MYO3B: variants seen among roughly 807,000 people sequenced by gnomAD.
MYO3B encodes the protein myosin IIIB.
MYO3B carries 156 observed loss-of-function variants against 174.6 expected under a neutral mutation model. The ratio of observed to expected loss-of-function variants is 0.89; its 90% CI spans 0.78 to 1.02. The LOEUF (loss-of-function observed/expected upper bound fraction) is 1.02, where lower values mean the gene tolerates loss of function less well. Ranked by LOEUF, MYO3B falls within the 50% of genes least tolerant of loss-of-function variation. The probability of loss-of-function intolerance (pLI) is 0.00; values close to 1 mark genes in which losing one functional copy is unlikely to be tolerated. For synonymous variants in MYO3B, 563 were observed against 569.1 expected (o/e 0.99, Z 0.15); for missense variants, 1,632 against 1,639.4 (o/e 1.00, Z 0.08).
chr2:170,612,650 A>G (rs2105297333), intron 32 of MYO3B, among the ~76,000 whole-genome samples: 1 of 152,276 alleles, frequency 6.6e-6, no homozygotes, highest in African/African-American at 2.4e-5. Flanking sequence ...CACACGTAAC[A>G]GTGGAGGCAG....
At chr2:170,273,888 C>T (rs1343045775) in intron 7 of MYO3B, among the ~76,000 whole-genome samples, 1 of 152,114 alleles carries the variant, frequency 6.6e-6, no homozygotes, top group East Asian at 1.9e-4. Context: ...CTGGAGACCC[C>T]ACTTTAAATG....
chr2:170,319,697 C>T (rs1171927651), intron 7 of MYO3B, among the ~76,000 whole-genome samples: 2 of 152,044 alleles, frequency 1.3e-5, no homozygotes, highest in Non-Finnish European at 2.9e-5. Context: ...CCCAAAGTAG[C>T]ATAAATACAA....
At chr2:170,327,332 C>A (rs2093876291) in intron 7 of MYO3B, among the ~76,000 whole-genome samples, 1 of 152,222 alleles carries the variant, frequency 6.6e-6, no homozygotes. Context: ...TTGAAGTGAG[C>A]TGAGATCACG....
chr2:170,493,427 T>G lies in MYO3B; in HGVS notation c.3015-5165T>G, dbSNP rs556118698. Reference sequence around the variant, plus strand: ...ATTAATGACCTGGACATCAGTGACCTTGGATAATAATTTTAGCCTCTGTCA... The same window carrying G: ...ATTAATGACCTGGACATCAGTGACCGTGGATAATAATTTTAGCCTCTGTCA... On this transcript the variant is annotated intron_variant, in intron 25 of 34. Coordinates refer to ENST00000408978, the MANE Select transcript of MYO3B (RefSeq NM_138995.5). Among the ~76,000 whole-genome samples, 59 of 152,308 alleles carry G rather than the reference T, an allele frequency of 3.9e-4. No individual in the cohort carries two copies. In the South Asian group the frequency reaches 0.01, roughly 27 times the overall value.
chr2:170,386,141 G>A lies in MYO3B; in HGVS notation c.1291-48G>A, dbSNP rs568390709. ...GGATGTTATATGAAGCATGCAAGTT[G>A]CTTCTGTGCTATAAATTCTTCACTT... On this transcript the variant is annotated intron_variant, in intron 12 of 34. Transcript: ENST00000408978. 6.6e-6 allele frequency: 10 copies of A among 1,510,172 alleles called. No individual in the cohort carries two copies. The African/African-American group carries it at 1.2e-4, about 19-fold the overall frequency. 93.5% of individuals were successfully genotyped at this position (1,510,172 alleles called of 1,614,324 possible). A position where few individuals can be genotyped will look rare whatever the true frequency, so the allele number is the denominator to read the frequency against.
intron 3 of MYO3B, among the ~76,000 whole-genome samples, chr2:170,201,971 G>C (rs1050578151): frequency 6.6e-6 from 1 of 152,088 alleles, no homozygotes; most frequent in Non-Finnish European, 1.5e-5. Flanking sequence ...AGGAATTTTC[G>C]AGGGCCTAAA....
In MYO3B at chr2:170,402,921, G is replaced by T; in HGVS notation, c.2203G>T (p.Glu735Ter). ...CGAGAATTTTCAGAGAAATTCATTT[G>T]AGCAGCTCTGCATAAACATCGCCAA... The part of the protein sequence containing the change: ...GFENFQRNSF[E>*]QLCINIANEQ... Residue 735 changes from glutamate to a stop codon, truncating the protein, a stop_gained, in exon 19 of 35, where the codon GAG becomes TAG. Transcript: ENST00000408978. LOFTEE classifies it high-confidence loss of function. 1 of 1,611,622 alleles carries T rather than the reference G, an allele frequency of 6.2e-7. No homozygotes were observed. Among genetic ancestry groups the T allele is most frequent in the South Asian group, 1.1e-5 (1 of 90,744 alleles).
chr2:170,634,823 T>C (rs1697328311), intron 32 of MYO3B, among the ~76,000 whole-genome samples: 1 of 152,202 alleles, frequency 6.6e-6, no homozygotes, highest in South Asian at 2.1e-4. Flanking sequence ...ACAGACACTT[T>C]TCAAAAGAAG....
chr2:170,355,072 G>A (rs896342794), intron 8 of MYO3B, among the ~76,000 whole-genome samples: 4 of 152,278 alleles, frequency 2.6e-5, no homozygotes, highest in Middle Eastern at 6.8e-3. Context: ...AAAAGCAGCA[G>A]GAGCAGTAAT....
intron 22 of MYO3B, among the ~76,000 whole-genome samples, chr2:170,424,117 T>C (rs573038031): frequency 7.3e-4 from 111 of 152,346 alleles, no homozygotes; most frequent in African/African-American, 2.5e-3. Context: ...GGCTCCCGTG[T>C]ACCAGACATC....
intron 8 of MYO3B, among the ~76,000 whole-genome samples, chr2:170,353,474 C>A (rs556757577): frequency 1.3e-5 from 2 of 152,328 alleles, no homozygotes; most frequent in Admixed American, 6.5e-5. Context: ...CTGTATAATA[C>A]TCTACGAATG....
intron 1 of MYO3B, among the ~76,000 whole-genome samples, chr2:170,183,677 T>G (rs1392895874): frequency 6.6e-6 from 1 of 152,142 alleles, no homozygotes. Context: ...TATGTTTTTT[T>G]GTCTAATCAC....
At chr2:170,420,205 C>CA (rs1420743218) in intron 22 of MYO3B, among the ~76,000 whole-genome samples, 1 of 151,810 alleles carries the variant, frequency 6.6e-6, no homozygotes, top group Non-Finnish European at 1.5e-5. Flanking sequence ...AACAAACAAA[C>CA]AAACAAAACA....
chr2:170,373,093 A>C (rs530527624), intron 9 of MYO3B, among the ~76,000 whole-genome samples: 1 of 152,300 alleles, frequency 6.6e-6, no homozygotes, highest in South Asian at 2.1e-4. Context: ...AAGCAGGGTA[A>C]GGCTGCAGCC....
intron 25 of MYO3B, among the ~76,000 whole-genome samples, chr2:170,493,519 T>C (rs1373882338): frequency 1.3e-5 from 2 of 152,192 alleles, no homozygotes; most frequent in East Asian, 1.9e-4. Context: ...CATTACTAGA[T>C]AGAAGACTTG....
At chr2:170,533,728 G>A (rs1474202708) in intron 30 of MYO3B, among the ~76,000 whole-genome samples, 3 of 152,204 alleles carry the variant, frequency 2.0e-5, no homozygotes, top group African/African-American at 4.8e-5. Flanking sequence ...TAAACAATAA[G>A]TAACCACATT....
chr2:170,520,107 C>T (rs1447203343), intron 30 of MYO3B: 1 of 152,134 alleles, frequency 6.6e-6, no homozygotes, highest in East Asian at 1.9e-4. Flanking sequence ...TCAGGTTAAA[C>T]ATCCTCCCCC....
intron 7 of MYO3B, among the ~76,000 whole-genome samples, chr2:170,259,863 T>C (rs1022930964): frequency 1.3e-5 from 2 of 151,232 alleles, no homozygotes; most frequent in African/African-American, 4.9e-5. Flanking sequence ...TTAAATAATC[T>C]AACAAGCAAA....
At chr2:170,457,847 C>T (rs1019146915) in intron 23 of MYO3B, among the ~76,000 whole-genome samples, 18 of 152,226 alleles carry the variant, frequency 1.2e-4, no homozygotes, top group Non-Finnish European at 2.2e-4. Flanking sequence ...CTCTGCCTCC[C>T]GGGTTCAAGC....
Sources: gnomAD v4.1 joint callset for allele counts (sites outside exome capture counted in the v4.1 genomes callset) on GRCh38, gnomAD v4.1.1 for gene constraint, MANE v1.5 for transcripts, NCBI Gene and HGNC (gene_info 2026-07-23, HGNC 2026-07-21) for gene names.